The following PNPLA6 variants were observed in gnomAD, a reference collection of about 807,000 sequenced individuals.
The protein encoded by PNPLA6 is patatin-like phospholipase domain-containing protein 6.
A neutral mutation model predicts 153.7 loss-of-function variants in PNPLA6; 105 were observed. The observed-to-expected ratio is 0.68, with a 90% CI of 0.58 to 0.80. The LOEUF is 0.80. Ranked by LOEUF, PNPLA6 falls within the 30% of genes least tolerant of loss-of-function variation. The pLI, the probability that PNPLA6 is intolerant of heterozygous loss-of-function variation, is 0.00. For missense variants in PNPLA6, 1,423 were observed against 1,919.3 expected, an observed-to-expected ratio of 0.74 and a Z score of 4.83; for synonymous variants, 825 against 822.2, an observed-to-expected ratio of 1.00 and a Z score of -0.06.
In PNPLA6 at chr19:7,540,168, A is replaced by AAGCC. The variant is rs1289403279; in HGVS notation, c.576_579dup (p.Leu194AlafsTer19). Reference sequence around the variant, plus strand: ...CAACAGGGTGCTGGGCCACTTCGAGAAGCCACTCTTCCTGGAGCTCTGCCG... The same window carrying AAGCC: ...CAACAGGGTGCTGGGCCACTTCGAGAAGCCAGCCACTCTTCCTGGAGCTCTGCCG... On this transcript the variant is annotated frameshift_variant, in exon 5 of 32. Coordinates refer to ENST00000600737, the MANE Select transcript of PNPLA6 (RefSeq NM_001166114.2). LOFTEE classifies it high-confidence loss of function. The surrounding 1 kb of genome is among the most constrained non-coding windows in gnomAD (Gnocchi z 6.8). The AAGCC allele has an allele frequency of 6.2e-7, 1 of 1,611,474 alleles. No homozygotes were observed. Among genetic ancestry groups the AAGCC allele is most frequent in the Non-Finnish European group, 8.5e-7 (1 of 1,179,982 alleles).
Position 7,541,220 on chromosome 19 carries a change from G to T in PNPLA6, c.925-134G>T. ...CGCGGACTCCTCCCTTAGCTGCCTCGCCCCATTTCCCCAGACTGTGGGTCT... is the reference window on the plus strand; with the variant it reads ...CGCGGACTCCTCCCTTAGCTGCCTCTCCCCATTTCCCCAGACTGTGGGTCT... On this transcript the variant is annotated intron_variant, in intron 7 of 31. Transcript: ENST00000600737. The surrounding 1 kb of genome is among the most constrained non-coding windows in gnomAD (Gnocchi z 5.2). 1.8e-6 allele frequency: 2 copies of T among 1,092,012 alleles called. No homozygotes were observed. Among genetic ancestry groups the T allele is most frequent in the African/African-American group, 1.6e-5 (1 of 64,494 alleles). The allele number at this position is 1,092,012 out of a possible 1,614,324, so 67.6% of individuals were successfully genotyped here.
chr19:7,545,084 C>T (rs778590784), intron 13 of PNPLA6, among the ~76,000 whole-genome samples: 12 of 151,748 alleles, frequency 7.9e-5, no homozygotes, highest in South Asian at 4.1e-4. Context: ...TGGAGCGCAG[C>T]GGTGCGATCT....
Position 7,550,089 on chromosome 19 carries a change from G to C in PNPLA6, c.1791G>C (p.Arg597=), listed in dbSNP as rs762435962. 2 of 1,614,094 alleles carry C rather than the reference G, an allele frequency of 1.2e-6. No homozygotes were observed. The highest frequency in any genetic ancestry group is 2.2e-5 in the East Asian group (1 of 44,888). Residue 597 remains arginine, a synonymous_variant, in exon 14 of 32, where the codon CGG becomes CGC. Transcript: ENST00000600737. ...LRAQRDCTFL[R]ISKSDFYEIM... ...CCCAACGCGACTGCACCTTCCTGCG[G>C]ATCTCCAAGTCCGACTTCTATGAGT...
chr19:7,561,634 C>A lies in PNPLA6; in HGVS notation c.*72C>A. 9.7e-7 allele frequency: 1 copy of A among 1,026,018 alleles called. No homozygotes were observed. The highest frequency in any genetic ancestry group is 1.4e-5 in the South Asian group (1 of 73,870). The allele number at this position is 1,026,018 out of a possible 1,614,324, so 63.6% of individuals were successfully genotyped here. ...TGGGGGTGGCCCCGTGGGGGTAGCT[C>A]ACTCCCCCTCCTGCTGCTATGCCTG... On this transcript the variant is annotated 3_prime_UTR_variant, in exon 32 of 32. Coordinates refer to ENST00000600737, the MANE Select transcript of PNPLA6 (RefSeq NM_001166114.2).
chr19:7,555,529 G>T lies in PNPLA6; in HGVS notation c.2937-78G>T. 6.6e-7 allele frequency: 1 copy of T among 1,518,960 alleles called. No homozygotes were observed. Among genetic ancestry groups the T allele is most frequent in the East Asian group, 2.3e-5 (1 of 43,412 alleles). The allele number at this position is 1,518,960 out of a possible 1,614,324, so 94.1% of individuals were successfully genotyped here. A position where few individuals can be genotyped will look rare whatever the true frequency, so the allele number is the denominator to read the frequency against. On this transcript the variant is annotated intron_variant, in intron 23 of 31. Coordinates refer to ENST00000600737, the MANE Select transcript of PNPLA6 (RefSeq NM_001166114.2). The surrounding 1 kb of genome is among the most constrained non-coding windows in gnomAD (Gnocchi z 6.3). ...GGGTCCTTTGTTCCTTAGCAGTGCG[G>T]GAGGTGGGAGGAGGTAGGGGCAGGG...
chr19:7,550,068 A>G lies in PNPLA6; in HGVS notation c.1770A>G (p.Gln590=), dbSNP rs780340075. ...GEPLIFTLRA[Q]RDCTFLRISK... is the part of the protein sequence containing the mutation. ...CTCTCATCTTCACACTGCGAGCCCA[A>G]CGCGACTGCACCTTCCTGCGGATCT... is the stretch of plus-strand genomic sequence containing the variant. The change falls in exon 14 of 32, where the codon CAA becomes CAG. Residue 590 remains glutamine, a synonymous_variant. Transcript: ENST00000600737. 15 of 1,614,052 alleles carry G rather than the reference A, an allele frequency of 9.3e-6. No homozygotes were observed. The highest frequency in any genetic ancestry group is 1.3e-5 in the African/African-American group (1 of 75,066).
rs1409824594 is a variant in PNPLA6, at chr19:7,541,077, C to T, written c.924+26C>T. 6 of 1,602,772 alleles carry T rather than the reference C, an allele frequency of 3.7e-6. No homozygotes were observed. The South Asian group carries it at 6.7e-5, about 18-fold the overall frequency. On this transcript the variant is annotated intron_variant, in intron 7 of 31. Coordinates refer to ENST00000600737, the MANE Select transcript of PNPLA6 (RefSeq NM_001166114.2). This position sits in a 1 kb window ranked among gnomAD's most constrained non-coding sequence, Gnocchi z 5.2. ...GTCAGTGGGCCTTCGCCTCCTGTCA[C>T]CCCCTGAGGGACCCCACCCTGGCCC...
rs2023080284 is a variant in PNPLA6 at position 7,540,457 on chromosome 19, G to A, written c.714+149G>A. 9.4e-7 allele frequency: 1 copy of A among 1,063,230 alleles called. No individual in the cohort carries two copies. Among genetic ancestry groups the A allele is most frequent in the South Asian group, 1.5e-5 (1 of 68,556 alleles). 65.9% of individuals were successfully genotyped at this position (1,063,230 alleles called of 1,614,324 possible). On this transcript the variant is annotated intron_variant, in intron 5 of 31. Transcript: ENST00000600737. The surrounding 1 kb of genome is among the most constrained non-coding windows in gnomAD (Gnocchi z 6.8). The stretch of plus-strand genomic sequence containing the variant: ...GAGGACATTTGGGGTAGTCTGCGTA[G>A]TTGCTCAGTAGTTACAAGTATTGAA...
In PNPLA6 at chr19:7,561,538, G is replaced by T. The variant is rs372042160; in HGVS notation, c.4074G>T (p.Pro1358=). The T allele has an allele frequency of 1.9e-6, 3 of 1,605,312 alleles. No homozygotes were observed. The highest frequency in any genetic ancestry group is 3.4e-5 in the Admixed American group (2 of 59,156). Residue 1358 remains proline (P), a synonymous_variant, in exon 32 of 32, where the codon CCG becomes CCT. Transcript: ENST00000600737. ...AACGACGCTGTCTGCCCCAGGAGCC[G>T]CCCGGCTCAGCCACAGATGCCTGAG... The part of the protein sequence containing the change: ...LRQRRCLPQE[P]PGSATDA
Position 7,561,093 on chromosome 19 carries a change from CTGA to C in PNPLA6, c.3899_3901del (p.Asp1300del). 1 of 1,611,792 alleles carries C rather than the reference CTGA, an allele frequency of 6.2e-7. No homozygotes were observed. The highest frequency in any genetic ancestry group is 8.5e-7 in the Non-Finnish European group (1 of 1,179,388). The stretch of plus-strand genomic sequence containing the variant: ...ATTGAGCCCCCCACGAGCTATGTCT[CTGA>C]TGGCTGTGCTGACGGTGAGGGGCCC... On this transcript the variant is annotated inframe_deletion, in exon 30 of 32. Transcript: ENST00000600737.
intron 18 of PNPLA6, 69 bp from the exon 19 acceptor site, chr19:7,553,785 TAAGGAGGAAGAGGAAGAAGAG>T: frequency 6.5e-7 from 1 of 1,542,336 alleles, no homozygotes; most frequent in Non-Finnish European, 9.0e-7. Context: ...GAATTTCAGA[TAAGGAGGAAGAGGAAGAAGAG>T]GAGGAGGAGG....
intron 10 of PNPLA6, 79 bp from the exon 11 acceptor site, chr19:7,542,482 G>T: frequency 9.3e-7 from 1 of 1,071,792 alleles, no homozygotes; most frequent in East Asian, 2.5e-5. Context: ...CTACAGGCCT[G>T]CACCACTACA....
intron 13 of PNPLA6, among the ~76,000 whole-genome samples, chr19:7,547,811 A>ATTTTTTTT (rs71286227): frequency 6.1e-5 from 7 of 114,558 alleles, no homozygotes; most frequent in East Asian, 2.9e-4. Flanking sequence ...CTAATTAAAA[A>ATTTTTTTT]TTTTTTTTTT....
rs747297499 is a variant in PNPLA6, at chr19:7,542,080, G to A, written c.1252+13G>A. 7 of 1,600,086 alleles carry A rather than the reference G, an allele frequency of 4.4e-6. No homozygotes were observed. Among genetic ancestry groups the A allele is most frequent in the South Asian group, 1.1e-5 (1 of 90,976 alleles). ...GGGGACATCTCAGGTTTGGAGCACT[G>A]GGTCTGCGGGGAGGGCCATGGAGCT... On this transcript the variant is annotated intron_variant, in intron 10 of 31. Transcript: ENST00000600737.
Position 7,558,416 on chromosome 19 carries a change from G to T in PNPLA6, c.3398-434G>T, listed in dbSNP as rs571908148. Among the ~76,000 whole-genome samples the T allele has an allele frequency of 2.6e-5, 4 of 152,322 alleles. No homozygotes were observed. In the South Asian group the frequency reaches 8.3e-4, roughly 32 times the overall value. On this transcript the variant is annotated intron_variant, in intron 27 of 31. Transcript: ENST00000600737. ...GGAGGCTGAGGCGGGTGGATCACTTGAGGTCAGGAATTCGAGGCCAGCCTG... is the reference window on the plus strand; with the variant it reads ...GGAGGCTGAGGCGGGTGGATCACTTTAGGTCAGGAATTCGAGGCCAGCCTG...
Position 7,550,085 on chromosome 19 carries a change from T to C in PNPLA6, c.1787T>C (p.Leu596Pro). The change falls in exon 14 of 32, where the codon CTG becomes CCG. Residue 596 changes from leucine to proline, a missense_variant. By Grantham distance (98) the Leu-to-Pro change is moderately conservative. This residue lies in a region of PNPLA6 where 119 missense variants were observed against 163.7 expected (regional missense o/e 0.73). Coordinates refer to ENST00000600737, the MANE Select transcript of PNPLA6 (RefSeq NM_001166114.2). ...CGAGCCCAACGCGACTGCACCTTCCTGCGGATCTCCAAGTCCGACTTCTAT... is the reference window on the plus strand; with the variant it reads ...CGAGCCCAACGCGACTGCACCTTCCCGCGGATCTCCAAGTCCGACTTCTAT... ...TLRAQRDCTFLRISKSDFYEI... is the reference protein window; with the variant it reads ...TLRAQRDCTFPRISKSDFYEI... 1 of 1,614,096 alleles carries C rather than the reference T, an allele frequency of 6.2e-7. No individual in the cohort carries two copies. Among genetic ancestry groups the C allele is most frequent in the Admixed American group, 1.7e-5 (1 of 60,024 alleles).
chr19:7,548,907 A>G (rs1268032748), intron 13 of PNPLA6, among the ~76,000 whole-genome samples: 1 of 142,730 alleles, frequency 7.0e-6, no homozygotes, highest in Non-Finnish European at 1.5e-5. Flanking sequence ...GGTTCACGCC[A>G]TTTTCCTGCC....
Position 7,536,031 on chromosome 19 carries a change from G to A in PNPLA6, c.232+11G>A. On this transcript the variant is annotated intron_variant, in intron 1 of 31. Transcript: ENST00000600737. Reference sequence around the variant, plus strand: ...GGCTGCGAGTGCCAAGTGAGCACCCGAGGGGCCCCTCTTGGGAGGCTGTAT... The same window carrying A: ...GGCTGCGAGTGCCAAGTGAGCACCCAAGGGGCCCCTCTTGGGAGGCTGTAT... The A allele has an allele frequency of 6.3e-7, 1 of 1,576,336 alleles. No homozygotes were observed. The highest frequency in any genetic ancestry group is 2.3e-5 in the East Asian group (1 of 43,030).
At chr19:7,537,442 G>A (rs1018773609) in intron 3 of PNPLA6, among the ~76,000 whole-genome samples, 4 of 152,252 alleles carry the variant, frequency 2.6e-5, no homozygotes, top group African/African-American at 9.6e-5. Flanking sequence ...TAGAAATATA[G>A]GAAGGATGCA....
Sources: allele counts gnomAD v4.1 joint callset (sites outside exome capture counted in the v4.1 genomes callset), GRCh38; gene constraint gnomAD v4.1.1; regional missense constraint gnomAD v4.1.1; non-coding constraint Gnocchi (gnomAD v3.1); transcripts MANE v1.5; gene names NCBI Gene and HGNC (gene_info 2026-07-23, HGNC 2026-07-21).